The following FHIT variants were observed in gnomAD, a reference collection of about 807,000 sequenced individuals.
FHIT encodes fragile histidine triad diadenosine triphosphatase, also known as bis(5'-adenosyl)-triphosphatase.
Under a neutral mutation model 17.9 loss-of-function variants are expected in FHIT, and 19 were observed. The observed-to-expected ratio is 1.06, with a 90% CI of 0.74 to 1.56. The LOEUF is 1.56. Among genes scored for constraint, FHIT ranks in the 40% most tolerant of loss-of-function variants. FHIT has a pLI of 0.00. For missense variants in FHIT, 248 were observed against 189.2 expected, an observed-to-expected ratio of 1.31 and a Z score of -1.82; for synonymous variants, 81 against 69.7, an observed-to-expected ratio of 1.16 and a Z score of -0.81.
rs570210781 is a variant in FHIT at position 60,711,109 on chromosome 3, C to T, written c.-18+110810G>A. Among the ~76,000 whole-genome samples the T allele has an allele frequency of 2.3e-4, 35 of 152,286 alleles. No individual in the cohort carries two copies. The South Asian group carries it at 6.2e-3, about 27-fold the overall frequency. On this transcript the variant is annotated intron_variant, in intron 4 of 9. Transcript: ENST00000492590. ...AGGAACTATCAGACAGCAGCATTCACAGATCACGAAAATCCATGGTTCTGC... is the reference window on the plus strand; with the variant it reads ...AGGAACTATCAGACAGCAGCATTCATAGATCACGAAAATCCATGGTTCTGC...
At chr3:60,527,248 C>T (rs1297181635) in intron 5 of FHIT, among the ~76,000 whole-genome samples, 1 of 152,142 alleles carries the variant, frequency 6.6e-6, no homozygotes, top group Non-Finnish European at 1.5e-5. Context: ...GTATTCTAGG[C>T]CTCTGCATGT....
chr3:59,928,318 T>G (rs1705774946), intron 7 of FHIT, among the ~76,000 whole-genome samples: 1 of 152,222 alleles, frequency 6.6e-6, no homozygotes, highest in African/African-American at 2.4e-5. Context: ...CAGCTGACCT[T>G]AAGATTGGCA....
intron 4 of FHIT, among the ~76,000 whole-genome samples, chr3:60,779,744 C>CG (rs1700321549): frequency 6.6e-6 from 1 of 152,090 alleles, no homozygotes; most frequent in African/African-American, 2.4e-5. Flanking sequence ...GAAGGAAAAT[C>CG]GGATCTTAGG....
intron 7 of FHIT, among the ~76,000 whole-genome samples, chr3:59,970,875 A>G (rs540439188): frequency 4.0e-5 from 6 of 150,572 alleles, no homozygotes; most frequent in Non-Finnish European, 7.4e-5. Context: ...TCTACATTCA[A>G]TCAGGGTTTA....
intron 4 of FHIT, among the ~76,000 whole-genome samples, chr3:60,642,645 C>G (rs1312554727): frequency 1.3e-5 from 2 of 152,100 alleles, no homozygotes; most frequent in African/African-American, 2.4e-5. Flanking sequence ...CATCACTCTG[C>G]GAAAGAGAAG....
chr3:60,534,403 G>A (rs1267196099), intron 5 of FHIT, among the ~76,000 whole-genome samples: 3 of 120,066 alleles, frequency 2.5e-5, no homozygotes, highest in African/African-American at 6.3e-5. Flanking sequence ...ACTGCAGTCC[G>A]CAGTCCGGCC....
At chr3:60,654,337 A>G (rs914945661) in intron 4 of FHIT, among the ~76,000 whole-genome samples, 1 of 152,132 alleles carries the variant, frequency 6.6e-6, no homozygotes, top group Non-Finnish European at 1.5e-5. Flanking sequence ...AAGAAAGAAA[A>G]CCCATTCAAT....
chr3:60,051,731 C>A (rs1701888346), intron 5 of FHIT, among the ~76,000 whole-genome samples: 2 of 152,160 alleles, frequency 1.3e-5, no homozygotes, highest in Non-Finnish European at 2.9e-5. Context: ...TGATCCAACT[C>A]TAAGCTGCCA....
At chr3:60,174,402 G>A (rs1025880490) in intron 5 of FHIT, among the ~76,000 whole-genome samples, 1 of 151,966 alleles carries the variant, frequency 6.6e-6, no homozygotes, top group Non-Finnish European at 1.5e-5. Flanking sequence ...TATGCTCCTG[G>A]ACTGTAAGAT....
intron 3 of FHIT, among the ~76,000 whole-genome samples, chr3:60,895,670 CTTTCTTTCTTTCTTTCTTT>C (rs1705761941): frequency 0.012 from 359 of 29,946 alleles, 5 homozygotes; most frequent in African/African-American, 0.017. Context: ...TCCTTCCTTT[CTTTCTTTCTTTCTTTCTTT>C]CTTTCTTTCT....
intron 2 of FHIT, among the ~76,000 whole-genome samples, chr3:61,057,265 CAAAG>C: frequency 6.6e-6 from 1 of 152,174 alleles, no homozygotes; most frequent in Non-Finnish European, 1.5e-5. Context: ...AAGAACCACA[CAAAG>C]AAATTCATAC....
At chr3:60,128,803 C>T (rs1283137316) in intron 5 of FHIT, among the ~76,000 whole-genome samples, 2 of 152,150 alleles carry the variant, frequency 1.3e-5, no homozygotes, top group Non-Finnish European at 2.9e-5. Flanking sequence ...CACAGGTGAA[C>T]AGATAAGGCT....
chr3:60,124,061 G>C (rs1345222582), intron 5 of FHIT, among the ~76,000 whole-genome samples: 4 of 118,618 alleles, frequency 3.4e-5, no homozygotes, highest in Admixed American at 9.0e-5. Context: ...GAGAGACAGA[G>C]AGAGAGAGAG....
At chr3:60,219,230 G>A (rs965917354) in intron 5 of FHIT, among the ~76,000 whole-genome samples, 3 of 151,946 alleles carry the variant, frequency 2.0e-5, no homozygotes, top group African/African-American at 4.8e-5. Flanking sequence ...TCTGCCCCTC[G>A]TAATCCTTCT....
At chr3:61,111,674 A>C (rs9819916) in intron 2 of FHIT, among the ~76,000 whole-genome samples, 18 of 152,328 alleles carry the variant, frequency 1.2e-4, no homozygotes, top group Admixed American at 3.3e-4. Flanking sequence ...ACTGTGATAG[A>C]TCTATTTCAC....
chr3:60,274,311 C>A (rs1559779621), intron 5 of FHIT, among the ~76,000 whole-genome samples: 2 of 152,180 alleles, frequency 1.3e-5, no homozygotes, highest in Non-Finnish European at 1.5e-5. Context: ...CTCTCTTCCA[C>A]TAAATCCCCA....
At chr3:60,337,301 T>C (rs1258624882) in intron 5 of FHIT, among the ~76,000 whole-genome samples, 1 of 152,118 alleles carries the variant, frequency 6.6e-6, no homozygotes, top group Non-Finnish European at 1.5e-5. Flanking sequence ...TTAAAACAGT[T>C]AAATAATGGT....
At chr3:60,275,490 T>C (rs1208595945) in intron 5 of FHIT, among the ~76,000 whole-genome samples, 1 of 152,238 alleles carries the variant, frequency 6.6e-6, no homozygotes, top group Non-Finnish European at 1.5e-5. Flanking sequence ...GTATATTCTT[T>C]TCCTATAGAT....
chr3:60,686,100 A>C, intron 4 of FHIT, among the ~76,000 whole-genome samples: 1 of 152,060 alleles, frequency 6.6e-6, no homozygotes, highest in Non-Finnish European at 1.5e-5. Flanking sequence ...GGACTTCGGG[A>C]TTGGATAGTC....
Sources: gnomAD v4.1 joint callset for allele counts (sites outside exome capture counted in the v4.1 genomes callset) on GRCh38, gnomAD v4.1.1 for gene constraint, MANE v1.5 for transcripts, NCBI Gene and HGNC (gene_info 2026-07-23, HGNC 2026-07-21) for gene names.